Variants in OLFM3 observed in about 807,000 individuals in gnomAD.
OLFM3 encodes noelin-3.
A neutral mutation model predicts 48.6 loss-of-function variants in OLFM3; 20 were observed. The ratio of observed to expected loss-of-function variants is 0.41; its 90% CI spans 0.29 to 0.60. The LOEUF is 0.60. Among genes scored for constraint, OLFM3 ranks in the 20% least tolerant of loss-of-function variants. The probability of loss-of-function intolerance (pLI) is 0.28; values close to 1 mark genes in which losing one functional copy is unlikely to be tolerated. For synonymous variants in OLFM3, 222 were observed against 198.1 expected, an observed-to-expected ratio of 1.12 and a Z score of -1.01; for missense variants, 437 against 544.3, an observed-to-expected ratio of 0.80 and a Z score of 1.96.
At chr1:101,863,842 T>C (rs1418642095) in intron 1 of OLFM3, among the ~76,000 whole-genome samples, 1 of 152,202 alleles carries the variant, frequency 6.6e-6, no homozygotes, top group Non-Finnish European at 1.5e-5. Context: ...CAGTGATAAA[T>C]CAAATTAAAA....
At chr1:101,859,588 T>C (rs1163711951) in intron 1 of OLFM3, among the ~76,000 whole-genome samples, 1 of 152,140 alleles carries the variant, frequency 6.6e-6, no homozygotes, top group Non-Finnish European at 1.5e-5. Flanking sequence ...TGCATTATAC[T>C]TACTGATTGA....
chr1:101,870,192 C>A (rs563913429), intron 1 of OLFM3, among the ~76,000 whole-genome samples: 3 of 152,068 alleles, frequency 2.0e-5, no homozygotes, highest in Admixed American at 2.0e-4. Context: ...ATTGCTTCAC[C>A]TTCCCCCTAT....
intron 1 of OLFM3, among the ~76,000 whole-genome samples, chr1:101,960,129 T>A (rs1399662114): frequency 6.6e-6 from 1 of 152,118 alleles, no homozygotes; most frequent in East Asian, 1.9e-4. Flanking sequence ...AAAACCTATG[T>A]AATTGTGTAC....
chr1:101,985,276 C>T (rs548720709), intron 1 of OLFM3, among the ~76,000 whole-genome samples: 36 of 152,354 alleles, frequency 2.4e-4, no homozygotes, highest in African/African-American at 8.7e-4. Flanking sequence ...ACTTTAGTCA[C>T]ATCTACAAAT....
chr1:101,861,207 A>G (rs771741943), intron 1 of OLFM3, among the ~76,000 whole-genome samples: 7 of 151,992 alleles, frequency 4.6e-5, no homozygotes, highest in Admixed American at 1.3e-4. Context: ...GACTACAGGC[A>G]CCCACCACAG....
At chr1:101,988,102 GATA>G (rs1322034927) in intron 1 of OLFM3, among the ~76,000 whole-genome samples, 31 of 151,894 alleles carry the variant, frequency 2.0e-4, no homozygotes, top group African/African-American at 7.5e-4. Flanking sequence ...TATATACTAA[GATA>G]ATAATTTAAA....
chr1:101,996,689 G>T, intron 1 of OLFM3, 59 bp downstream of exon 1: 1 of 1,547,518 alleles, frequency 6.5e-7, no homozygotes, highest in Non-Finnish European at 8.9e-7. Flanking sequence ...TTGCATTTCT[G>T]TTAGGTTTGT....
chr1:101,844,951 G>A (rs1033580156), intron 1 of OLFM3, among the ~76,000 whole-genome samples: 2 of 151,836 alleles, frequency 1.3e-5, no homozygotes, highest in African/African-American at 4.8e-5. Context: ...TCTTCACCCC[G>A]GGAATCTTAA....
intron 1 of OLFM3, among the ~76,000 whole-genome samples, chr1:101,930,762 G>A (rs1030957657): frequency 2.0e-5 from 3 of 152,210 alleles, no homozygotes. Flanking sequence ...TTCCTTTGCA[G>A]ATGAGAAATT....
chr1:101,862,374 T>C (rs1656693518), intron 1 of OLFM3, among the ~76,000 whole-genome samples: 1 of 152,242 alleles, frequency 6.6e-6, no homozygotes, highest in Non-Finnish European at 1.5e-5. Context: ...GTTGACCTCA[T>C]AGGCTTGTAC....
At chr1:101,873,869 A>G (rs1218713862) in intron 1 of OLFM3, among the ~76,000 whole-genome samples, 2 of 151,918 alleles carry the variant, frequency 1.3e-5, no homozygotes, top group Non-Finnish European at 2.9e-5. Flanking sequence ...GGACCAATTA[A>G]ACACTAATAA....
At chr1:101,873,927 A>G (rs1203754217) in intron 1 of OLFM3, among the ~76,000 whole-genome samples, 123 of 151,906 alleles carry the variant, frequency 8.1e-4, no homozygotes, top group Non-Finnish European at 1.2e-4. Context: ...TTTATTTATT[A>G]AAATAATTAA....
chr1:101,882,713 C>A (rs1657585589), intron 1 of OLFM3: 1 of 151,590 alleles, frequency 6.6e-6, no homozygotes, highest in African/African-American at 2.4e-5. Context: ...TTGGGCAGTA[C>A]CAGATGACAC....
At chr1:101,990,464 T>C (rs1661367970) in intron 1 of OLFM3, among the ~76,000 whole-genome samples, 1 of 152,190 alleles carries the variant, frequency 6.6e-6, no homozygotes, top group Non-Finnish European at 1.5e-5. Context: ...TGTTTTCACA[T>C]GTATTAATAT....
chr1:101,990,295 C>T (rs1458822252), intron 1 of OLFM3, among the ~76,000 whole-genome samples: 4 of 152,084 alleles, frequency 2.6e-5, no homozygotes, highest in Non-Finnish European at 5.9e-5. Context: ...ATTCATTTTT[C>T]ACAAAGCTGA....
chr1:101,914,669 G>T (rs1431949927), intron 1 of OLFM3, among the ~76,000 whole-genome samples: 2 of 152,322 alleles, frequency 1.3e-5, no homozygotes, highest in Non-Finnish European at 1.5e-5. Flanking sequence ...ATGAAGTGGG[G>T]ATAAGTGCCA....
At chr1:101,860,757 C>T (rs560909269) in intron 1 of OLFM3, among the ~76,000 whole-genome samples, 1 of 152,104 alleles carries the variant, frequency 6.6e-6, no homozygotes, top group Admixed American at 6.5e-5. Context: ...AAATCAGTGG[C>T]TCAAGAAGGA....
At chr1:101,933,368 C>T (rs6577287) in intron 1 of OLFM3, among the ~76,000 whole-genome samples, 49,784 of 151,502 alleles carry the variant, frequency 0.33, 8,842 homozygotes, top group Middle Eastern at 0.49. Context: ...AATCTCAGAG[C>T]TCAAAAACTG....
chr1:101,928,461 A>G (rs1363853363), intron 1 of OLFM3, among the ~76,000 whole-genome samples: 5 of 152,140 alleles, frequency 3.3e-5, no homozygotes, highest in African/African-American at 4.8e-5. Context: ...TTTTACTAAG[A>G]GAGTGTTTTA....
Sources: allele counts gnomAD v4.1 joint callset (sites outside exome capture counted in the v4.1 genomes callset), GRCh38; gene constraint gnomAD v4.1.1; transcripts MANE v1.5; gene names NCBI Gene and HGNC (gene_info 2026-07-23, HGNC 2026-07-21).